FNDC7: variants seen among roughly 807,000 people sequenced by gnomAD.
FNDC7 encodes fibronectin type III domain containing 7.
In FNDC7, 66 loss-of-function variants were observed where a neutral mutation model predicts 74.2. That is an observed-to-expected ratio of 0.89 (90% CI 0.73 to 1.09). The LOEUF is 1.09. FNDC7 is among the 50% of genes least tolerant of loss of function. The probability of loss-of-function intolerance (pLI) is 0.00; values close to 1 mark genes in which losing one functional copy is unlikely to be tolerated. For synonymous variants in FNDC7, 307 were observed against 330.2 expected (o/e 0.93, Z 0.76); for missense variants, 829 against 893.4 (o/e 0.93, Z 0.92).
Position 108,717,980 on chromosome 1 carries a change from A to C in FNDC7, c.286A>C (p.Ile96Leu), listed in dbSNP as rs1462792760. The change falls in exon 3 of 13, where the codon ATC becomes CTC. Residue 96 changes from isoleucine (I) to leucine (L), a missense_variant. Ile to Leu is a conservative substitution (Grantham distance 5, BLOSUM62 2). Coordinates refer to ENST00000370017, the MANE Select transcript of FNDC7 (RefSeq NM_001144937.3). ...ATWYEITIRS[I>L]SAAGRSQASP... is the part of the protein sequence containing the mutation. ...CTGGTATGAAATCACCATCAGATCC[A>C]TCAGCGCTGCTGGGAGAAGCCAGGC... 6 of 1,551,626 alleles carry C rather than the reference A, an allele frequency of 3.9e-6. No individual in the cohort carries two copies. In the East Asian group the frequency reaches 1.2e-4, roughly 32 times the overall value.
At position 108,742,114 on chromosome 1, in the gene FNDC7, G is replaced by T. The variant is rs1661663214; in HGVS notation, c.*227G>T. On this transcript the variant is annotated 3_prime_UTR_variant, in exon 13 of 13. Transcript: ENST00000370017. ...ATCTGCTATGTGAGGACTCTGGAGAGAAATGAATCCAGAAAGTCCCCTGGA... is the reference window on the plus strand; with the variant it reads ...ATCTGCTATGTGAGGACTCTGGAGATAAATGAATCCAGAAAGTCCCCTGGA... 2.6e-6 allele frequency: 1 copy of T among 386,636 alleles called. No homozygotes were observed. Among genetic ancestry groups the T allele is most frequent in the Non-Finnish European group, 4.7e-6 (1 of 214,640 alleles). 24.0% of individuals were successfully genotyped at this position (386,636 alleles called of 1,614,324 possible). A position where few individuals can be genotyped will look rare whatever the true frequency, so the allele number is the denominator to read the frequency against.
intron 2 of FNDC7, among the ~76,000 whole-genome samples, chr1:108,717,222 A>G (rs182031929): frequency 6.2e-4 from 95 of 152,312 alleles, no homozygotes; most frequent in African/African-American, 2.1e-3. Context: ...AAAGAACTCA[A>G]TCCTCCCTCC....
intron 11 of FNDC7, among the ~76,000 whole-genome samples, chr1:108,741,292 T>C (rs1460731054): frequency 6.6e-6 from 1 of 152,180 alleles, no homozygotes; most frequent in Non-Finnish European, 1.5e-5. Flanking sequence ...CATCACACCA[T>C]GAGCAGGGGC....
chr1:108,715,817 G>A lies in FNDC7; in HGVS notation c.83-1960G>A, dbSNP rs191580780. ...TAATAATCCGTATTTGTCAAGGAAGGTAACAAGTCTAGAAGAGGTAAAATG... is the reference window on the plus strand; with the variant it reads ...TAATAATCCGTATTTGTCAAGGAAGATAACAAGTCTAGAAGAGGTAAAATG... On this transcript the variant is annotated intron_variant, in intron 2 of 12. Coordinates refer to ENST00000370017, the MANE Select transcript of FNDC7 (RefSeq NM_001144937.3). Among the ~76,000 whole-genome samples, 3 of 152,294 alleles carry A rather than the reference G, an allele frequency of 2.0e-5. No homozygotes were observed. In the East Asian group the frequency reaches 5.8e-4, roughly 29 times the overall value.
intron 5 of FNDC7, among the ~76,000 whole-genome samples, chr1:108,724,806 C>T (rs866097947): frequency 2.0e-5 from 3 of 151,224 alleles, no homozygotes; most frequent in Admixed American, 6.6e-5. Flanking sequence ...TTAGGCTGGG[C>T]GCATTGGCTC....
At chr1:108,740,360 C>T (rs1419799520) in intron 11 of FNDC7, among the ~76,000 whole-genome samples, 5 of 108,958 alleles carry the variant, frequency 4.6e-5, no homozygotes, top group African/African-American at 3.6e-5. Context: ...TGGAGTTTTG[C>T]TCTGTCATCC....
intron 7 of FNDC7, 111 bp from the exon 8 acceptor site, chr1:108,728,521 G>A (rs951141174): frequency 7.2e-5 from 93 of 1,298,552 alleles, no homozygotes; most frequent in Non-Finnish European, 8.9e-5. Context: ...CATGCATGAC[G>A]TGGTTGAAAA....
In FNDC7 at chr1:108,725,788, C is replaced by A. The variant is rs759147639; in HGVS notation, c.895C>A (p.Pro299Thr). 6 of 1,614,076 alleles carry A rather than the reference C, an allele frequency of 3.7e-6. No individual in the cohort carries two copies. In the South Asian group the frequency reaches 6.6e-5, roughly 18 times the overall value. Residue 299 changes from proline (P) to threonine (T), a missense_variant, in exon 6 of 13, where the codon CCC (proline) becomes ACC (threonine). Physicochemically the swap from Pro to Thr is conservative, Grantham distance 38 (BLOSUM62 -1). Coordinates refer to ENST00000370017, the MANE Select transcript of FNDC7 (RefSeq NM_001144937.3). ...CGGAAGAGTGACGATCCAAGAAGAT[C>A]CCCCTGGCCACCTGTCTGTGGCTTG... ...APGRVTIQED[P>T]PGHLSVAWSS...
intron 7 of FNDC7, 149 bp downstream of exon 7, chr1:108,728,214 G>A (rs2101084279): frequency 9.5e-7 from 1 of 1,056,780 alleles, no homozygotes; most frequent in Non-Finnish European, 1.4e-6. Flanking sequence ...GTTGTACGAA[G>A]GAGAGGCAGA....
chr1:108,715,669 G>GCACACACACA, intron 2 of FNDC7, among the ~76,000 whole-genome samples: 2 of 135,944 alleles, frequency 1.5e-5, no homozygotes, highest in Non-Finnish European at 3.3e-5. Context: ...GCGTGCGCGC[G>GCACACACACA]CGCACACACA....
At chr1:108,739,318 G>A (rs148119985) in intron 11 of FNDC7, among the ~76,000 whole-genome samples, 16 of 152,152 alleles carry the variant, frequency 1.1e-4, no homozygotes, top group South Asian at 8.3e-4. Context: ...CCAACAAAAC[G>A]AGACCTTGTC....
In FNDC7 at chr1:108,726,021, G is replaced by A; in HGVS notation, c.1111+17G>A. On this transcript the variant is annotated intron_variant, in intron 6 of 12. Transcript: ENST00000370017. Reference sequence around the variant, plus strand: ...ATACCACAGGTAAGTCCCATTTGATGTTTGTTAAGGGAGTTCTGAGATCTC... The same window carrying A: ...ATACCACAGGTAAGTCCCATTTGATATTTGTTAAGGGAGTTCTGAGATCTC... 2.5e-6 allele frequency: 4 copies of A among 1,613,040 alleles called. No individual in the cohort carries two copies. The highest frequency in any genetic ancestry group is 3.4e-6 in the Non-Finnish European group (4 of 1,179,386).
chr1:108,733,649 CTTTTTT>C, intron 10 of FNDC7, 117 bp downstream of exon 10: 96 of 612,632 alleles, frequency 1.6e-4, no homozygotes, highest in Middle Eastern at 5.5e-4. Context: ...AAATTTCTTT[CTTTTTT>C]TTTTTTTTTT....
chr1:108,735,452 A>AGTCCCTTATAATCT (rs542928633), intron 10 of FNDC7, among the ~76,000 whole-genome samples: 174 of 152,316 alleles, frequency 1.1e-3, no homozygotes, highest in African/African-American at 4.0e-3. Context: ...TGGTGTTCAC[A>AGTCCCTTATAATCT]GTCCCTTATA....
chr1:108,737,164 G>A (rs1661534777), intron 10 of FNDC7, among the ~76,000 whole-genome samples: 1 of 151,936 alleles, frequency 6.6e-6, no homozygotes, highest in Non-Finnish European at 1.5e-5. Flanking sequence ...AGAGATGGGG[G>A]TTTCGCCATG....
Position 108,741,986 on chromosome 1 carries a change from G to C in FNDC7, c.*99G>C. On this transcript the variant is annotated 3_prime_UTR_variant, in exon 13 of 13. Coordinates refer to ENST00000370017, the MANE Select transcript of FNDC7 (RefSeq NM_001144937.3). ...ATCTACTAGAATGTAGAATAAAAAT[G>C]CCTCTAGGATAGGAAAAGCTCCTTT... 1 of 668,508 alleles carries C rather than the reference G, an allele frequency of 1.5e-6. No individual in the cohort carries two copies. Among genetic ancestry groups the C allele is most frequent in the Non-Finnish European group, 2.5e-6 (1 of 395,714 alleles). 41.4% of individuals were successfully genotyped at this position (668,508 alleles called of 1,614,324 possible).
intron 4 of FNDC7, 120 bp downstream of exon 4, chr1:108,719,169 T>G: frequency 1.8e-6 from 2 of 1,107,346 alleles, no homozygotes; most frequent in Non-Finnish European, 2.5e-6. Context: ...CAACAGCTAT[T>G]TAAATTTATT....
intron 11 of FNDC7, among the ~76,000 whole-genome samples, chr1:108,740,203 C>T (rs1661606452): frequency 1.3e-5 from 2 of 151,962 alleles, no homozygotes; most frequent in African/African-American, 4.8e-5. Flanking sequence ...CCAATCAGGT[C>T]CCTGGGCTGA....
intron 2 of FNDC7, among the ~76,000 whole-genome samples, chr1:108,713,758 G>A (rs1660920273): frequency 6.6e-6 from 1 of 152,176 alleles, no homozygotes; most frequent in African/African-American, 2.4e-5. Flanking sequence ...AAGTGTTCTT[G>A]CTGAGGACTA....
Sources: gnomAD v4.1 joint callset for allele counts (sites outside exome capture counted in the v4.1 genomes callset) on GRCh38, gnomAD v4.1.1 for gene constraint, MANE v1.5 for transcripts, NCBI Gene and HGNC (gene_info 2026-07-23, HGNC 2026-07-21) for gene names.